The following KBTBD11 variants were observed in gnomAD, a reference collection of about 807,000 sequenced individuals.
KBTBD11 encodes the protein kelch repeat and BTB domain-containing protein 11.
For synonymous variants in KBTBD11, 747 were observed against 499.0 expected (o/e 1.50, Z -6.63); for missense variants, 1,390 against 1,001.8 (o/e 1.39, Z -5.23).
intron 1 of KBTBD11, among the ~76,000 whole-genome samples, chr8:1,984,950 G>A (rs1479605376): frequency 2.0e-5 from 3 of 152,190 alleles, no homozygotes; most frequent in East Asian, 1.9e-4. Context: ...AGCCTGAGTC[G>A]CTGCGATTAC....
chr8:1,993,495 GTCCATCCA>G (rs1293917447), intron 1 of KBTBD11, among the ~76,000 whole-genome samples: 1 of 40,208 alleles, frequency 2.5e-5, no homozygotes, highest in African/African-American at 7.0e-5. Context: ...CCGTCCATCC[GTCCATCCA>G]TCCATCCATC....
In KBTBD11 at chr8:2,002,565, A is replaced by T. The variant is rs1446795355; in HGVS notation, c.1373A>T (p.Glu458Val). Residue 458 changes from glutamate to valine, a missense_variant, in exon 2 of 2, where the codon GAG becomes GTG. Coordinates refer to ENST00000320248, the MANE Select transcript of KBTBD11 (RefSeq NM_014867.3). The surrounding 1 kb of genome is among the most constrained non-coding windows in gnomAD (Gnocchi z 4.1). Reference protein sequence around the residue: ...VAHEATTCHGEIYVSGGSLFY... With the variant: ...VAHEATTCHGVIYVSGGSLFY... ...CATGAGGCCACCACCTGCCACGGCG[A>T]GATCTACGTGTCCGGGGGCTCCCTC... The T allele has an allele frequency of 6.3e-7, 1 of 1,579,480 alleles. No homozygotes were observed. Among genetic ancestry groups the T allele is most frequent in the Non-Finnish European group, 8.5e-7 (1 of 1,172,124 alleles).
At chr8:1,990,017 G>C (rs1158575795) in intron 1 of KBTBD11, among the ~76,000 whole-genome samples, 2 of 145,238 alleles carry the variant, frequency 1.4e-5, no homozygotes, top group African/African-American at 2.5e-5. Context: ...GTGTTGGTCA[G>C]CTGCTAATTT....
Position 2,001,111 on chromosome 8 carries a change from C to T in KBTBD11, c.-82C>T, listed in dbSNP as rs1423510421. On this transcript the variant is annotated 5_prime_UTR_variant, in exon 2 of 2. Transcript: ENST00000320248. ...CCAGGAAAAGCTGTGAGGCTGGAAA[C>T]CCCGGAGTAAGGCTCGACCTTGGCC... 3.2e-6 allele frequency: 4 copies of T among 1,263,920 alleles called. No homozygotes were observed. The highest frequency in any genetic ancestry group is 4.0e-6 in the Non-Finnish European group (4 of 1,005,194). 78.3% of individuals were successfully genotyped at this position (1,263,920 alleles called of 1,614,324 possible).
rs769908062 is a variant in KBTBD11, at chr8:2,001,881, A to C, written c.689A>C (p.Gln230Pro). 3.8e-5 allele frequency: 52 copies of C among 1,369,104 alleles called. No individual in the cohort carries two copies. The highest frequency in any genetic ancestry group is 4.1e-5 in the Non-Finnish European group (43 of 1,049,894). The allele number at this position is 1,369,104 out of a possible 1,614,324, so 84.8% of individuals were successfully genotyped here. The change falls in exon 2 of 2, where the codon CAG (glutamine) becomes CCG (proline). Residue 230 changes from glutamine to proline, a missense_variant. Coordinates refer to ENST00000320248, the MANE Select transcript of KBTBD11 (RefSeq NM_014867.3). ...CGCGCCACCGACGCCGTGGGGCCGCAGCTGAGCCTGGCCAACTGCTACGAG... is the reference window on the plus strand; with the variant it reads ...CGCGCCACCGACGCCGTGGGGCCGCCGCTGAGCCTGGCCAACTGCTACGAG... The part of the protein sequence containing the change: ...AQRATDAVGP[Q>P]LSLANCYEVL...
rs1375674093 is a variant in KBTBD11 at position 2,003,937 on chromosome 8, T to C, written c.*873T>C. 6.0e-6 allele frequency: 1 copy of C among 166,908 alleles called. No individual in the cohort carries two copies. The highest frequency in any genetic ancestry group is 1.9e-4 in the East Asian group (1 of 5,206). 10.3% of individuals were successfully genotyped at this position (166,908 alleles called of 1,614,324 possible). ...GTCCACTCTGTATGCCCAGCCGCTT[T>C]CATAATCTGGAACGAGATAAAATAT... On this transcript the variant is annotated 3_prime_UTR_variant, in exon 2 of 2. Transcript: ENST00000320248.
chr8:1,974,152 G>C (rs1473812829), intron 1 of KBTBD11, among the ~76,000 whole-genome samples: 6 of 139,148 alleles, frequency 4.3e-5, no homozygotes, highest in Non-Finnish European at 6.4e-5. Flanking sequence ...GGGGGGACCG[G>C]GAGAGGAGGG....
chr8:1,980,620 C>T (rs770908259), intron 1 of KBTBD11, among the ~76,000 whole-genome samples: 5 of 152,362 alleles, frequency 3.3e-5, no homozygotes, highest in East Asian at 3.9e-4. Flanking sequence ...GCTTCTGCAT[C>T]GGGCTGTGGC....
intron 1 of KBTBD11, chr8:1,974,376 A>T: frequency 2.5e-5 from 25 of 984,358 alleles, no homozygotes; most frequent in Non-Finnish European, 3.0e-5. Context: ...GCACGGAAGC[A>T]GGAGCAGAAG....
chr8:1,993,420 T>TCCAC (rs75571845), intron 1 of KBTBD11, among the ~76,000 whole-genome samples: 33 of 140,050 alleles, frequency 2.4e-4, no homozygotes, highest in African/African-American at 8.8e-4. Context: ...CATCCATCCA[T>TCCAC]CCACCCACCC....
At chr8:1,987,623 C>G (rs1387981690) in intron 1 of KBTBD11, among the ~76,000 whole-genome samples, 1 of 152,272 alleles carries the variant, frequency 6.6e-6, no homozygotes, top group Non-Finnish European at 1.5e-5. Flanking sequence ...TCCGGCTGCT[C>G]TCCTGCTCCT....
In KBTBD11 at chr8:2,001,596, C is replaced by A; in HGVS notation, c.404C>A (p.Ala135Glu). ...GCGCCCGTACCCCCGGGGTTCGGGGCGGTGTACGGGGAGCCGGACCTGGTG... is the reference window on the plus strand; with the variant it reads ...GCGCCCGTACCCCCGGGGTTCGGGGAGGTGTACGGGGAGCCGGACCTGGTG... Reference protein sequence around the residue: ...EPAPVPPGFGAVYGEPDLVLE... With the variant: ...EPAPVPPGFGEVYGEPDLVLE... Residue 135 changes from alanine to glutamate, a missense_variant, in exon 2 of 2, where the codon GCG becomes GAG. Physicochemically the swap from Ala to Glu is moderately radical, Grantham distance 107. Coordinates refer to ENST00000320248, the MANE Select transcript of KBTBD11 (RefSeq NM_014867.3). 1 of 1,464,778 alleles carries A rather than the reference C, an allele frequency of 6.8e-7. No individual in the cohort carries two copies. The allele number at this position is 1,464,778 out of a possible 1,614,324, so 90.7% of individuals were successfully genotyped here.
intron 1 of KBTBD11, chr8:1,974,615 C>A (rs908026419): frequency 1.0e-6 from 1 of 985,242 alleles, no homozygotes; most frequent in African/African-American, 1.7e-5. Context: ...ACCCGCCCCA[C>A]CGCGCCGCGG....
In KBTBD11 at chr8:2,001,827, G is replaced by T. The variant is rs1790224025; in HGVS notation, c.635G>T (p.Arg212Leu). 1.2e-5 allele frequency: 15 copies of T among 1,216,488 alleles called. No homozygotes were observed. The highest frequency in any genetic ancestry group is 1.5e-5 in the Non-Finnish European group (15 of 981,644). 75.4% of individuals were successfully genotyped at this position (1,216,488 alleles called of 1,614,324 possible). A position where few individuals can be genotyped will look rare whatever the true frequency, so the allele number is the denominator to read the frequency against. ...DNVAEVVAGARRLQLPGAAQR... is the reference protein window; with the variant it reads ...DNVAEVVAGALRLQLPGAAQR... ...GTGGCCGAGGTGGTGGCCGGCGCGC[G>T]CCGCCTGCAGCTGCCCGGCGCCGCG... Residue 212 changes from arginine to leucine, a missense_variant, in exon 2 of 2, where the codon CGC becomes CTC. Physicochemically the swap from Arg to Leu is moderately radical, Grantham distance 102. Coordinates refer to ENST00000320248, the MANE Select transcript of KBTBD11 (RefSeq NM_014867.3).
chr8:1,977,742 G>C (rs1488045232), intron 1 of KBTBD11, among the ~76,000 whole-genome samples: 2 of 151,976 alleles, frequency 1.3e-5, no homozygotes, highest in Non-Finnish European at 2.9e-5. Flanking sequence ...CAGCATGTTA[G>C]CCAGGCTGGT....
chr8:1,987,725 T>TTTATTATTATTATTATTA (rs10628962), intron 1 of KBTBD11, among the ~76,000 whole-genome samples: 35 of 149,252 alleles, frequency 2.3e-4, no homozygotes, highest in Non-Finnish European at 3.3e-4. Context: ...TTTTGGAGCC[T>TTTATTATTATTATTATTA]TTATTATTAT....
chr8:1,994,700 G>A (rs575233416), intron 1 of KBTBD11, among the ~76,000 whole-genome samples: 32 of 152,236 alleles, frequency 2.1e-4, no homozygotes, highest in Middle Eastern at 3.4e-3. Flanking sequence ...GTGTCCTTTC[G>A]GACTCACGTG....
At position 2,000,746 on chromosome 8, in the gene KBTBD11, A is replaced by G. The variant is rs946024006; in HGVS notation, c.-447A>G. 6.4e-6 allele frequency: 1 copy of G among 157,478 alleles called. No homozygotes were observed. The highest frequency in any genetic ancestry group is 1.4e-5 in the Non-Finnish European group (1 of 71,834). The allele number at this position is 157,478 out of a possible 1,614,324, so 9.8% of individuals were successfully genotyped here. On this transcript the variant is annotated 5_prime_UTR_variant, in exon 2 of 2. Coordinates refer to ENST00000320248, the MANE Select transcript of KBTBD11 (RefSeq NM_014867.3). ...TGGTTATCTGGTACTGCAGAGAGAC[A>G]CCTAGTCAGCCAGCGTTGCAAAGAG...
In KBTBD11 at chr8:2,001,488, G is replaced by A. The variant is rs1817353207; in HGVS notation, c.296G>A (p.Cys99Tyr). 2 of 1,382,562 alleles carry A rather than the reference G, an allele frequency of 1.4e-6. No homozygotes were observed. Among genetic ancestry groups the A allele is most frequent in the Non-Finnish European group, 1.9e-6 (2 of 1,075,108 alleles). The allele number at this position is 1,382,562 out of a possible 1,614,324, so 85.6% of individuals were successfully genotyped here. A position where few individuals can be genotyped will look rare whatever the true frequency, so the allele number is the denominator to read the frequency against. The stretch of plus-strand genomic sequence containing the variant: ...CTCGCGTCCCCTGAGGAGCGCGCGT[G>A]CCCGGAAGAGCCCGCGGCGCCGTCC... ...EELASPEERACPEEPAAPSPE... is the reference protein window; with the variant it reads ...EELASPEERAYPEEPAAPSPE... Residue 99 changes from cysteine to tyrosine, a missense_variant, in exon 2 of 2, where the codon TGC becomes TAC. Transcript: ENST00000320248.
Sources: gnomAD v4.1 joint callset for allele counts (sites outside exome capture counted in the v4.1 genomes callset) on GRCh38, gnomAD v4.1.1 for gene constraint, Gnocchi (gnomAD v3.1) non-coding constraint, MANE v1.5 for transcripts, NCBI Gene and HGNC (gene_info 2026-07-23, HGNC 2026-07-21) for gene names.